CLYBL: variants seen among roughly 807,000 people sequenced by gnomAD.
CLYBL encodes citramalyl-CoA lyase, mitochondrial.
A neutral mutation model predicts 38.9 loss-of-function variants in CLYBL; 31 were observed. That is an observed-to-expected ratio of 0.80 (90% CI 0.60 to 1.08). CLYBL has a LOEUF of 1.08. Among genes scored for constraint, CLYBL ranks in the 50% least tolerant of loss-of-function variants. CLYBL has a pLI of 0.00. For missense variants in CLYBL, 434 were observed against 411.6 expected (o/e 1.05, Z -0.47); for synonymous variants, 171 against 158.6 (o/e 1.08, Z -0.59).
In CLYBL at chr13:99,675,645, G is replaced by A. The variant is rs1485871206; in HGVS notation, c.62+68888G>A. ...TACGATACGTGGTCTTTTGTGACTG[G>A]CTTCTTTCACTTAGTATAATGTTTT... On this transcript the variant is annotated intron_variant, in intron 1 of 8. Transcript: ENST00000339105. 2.0e-5 allele frequency among the ~76,000 whole-genome samples: 3 copies of A among 152,140 alleles called. No individual in the cohort carries two copies. The East Asian group carries it at 5.8e-4, about 29-fold the overall frequency.
At chr13:99,782,237 T>G (rs1487047882) in intron 2 of CLYBL, among the ~76,000 whole-genome samples, 2 of 152,200 alleles carry the variant, frequency 1.3e-5, no homozygotes, top group Admixed American at 1.3e-4. Flanking sequence ...CTGGGTGTGG[T>G]GGCTCACACC....
chr13:99,877,503 T>C (rs2052075333), intron 7 of CLYBL: 1 of 328,540 alleles, frequency 3.0e-6, no homozygotes, highest in Non-Finnish European at 5.8e-6. Context: ...CTAATTACAT[T>C]AGAGACTTTC....
At chr13:99,761,537 C>G (rs1217647301) in intron 1 of CLYBL, among the ~76,000 whole-genome samples, 3 of 152,156 alleles carry the variant, frequency 2.0e-5, no homozygotes, top group African/African-American at 4.8e-5. Flanking sequence ...ATTTTACACA[C>G]ACACATTCAC....
chr13:99,741,241 T>G (rs2048749909), intron 1 of CLYBL, among the ~76,000 whole-genome samples: 1 of 152,202 alleles, frequency 6.6e-6, no homozygotes, highest in Non-Finnish European at 1.5e-5. Context: ...GAAGCACCCA[T>G]GCCTGTTATG....
At chr13:99,709,235 C>T (rs1186742431) in intron 1 of CLYBL, among the ~76,000 whole-genome samples, 2 of 152,200 alleles carry the variant, frequency 1.3e-5, no homozygotes, top group Non-Finnish European at 1.5e-5. Flanking sequence ...GGAGAGGGTC[C>T]TGGAACAAAT....
At chr13:99,719,053 A>G (rs913817023) in intron 1 of CLYBL, among the ~76,000 whole-genome samples, 1 of 151,162 alleles carries the variant, frequency 6.6e-6, no homozygotes, top group African/African-American at 2.4e-5. Context: ...GGGTTTCTCC[A>G]TGTTGGTCAG....
chr13:99,607,896 A>G (rs973920446), intron 1 of CLYBL, among the ~76,000 whole-genome samples: 4 of 151,712 alleles, frequency 2.6e-5, no homozygotes, highest in Admixed American at 1.3e-4. Flanking sequence ...GGTGTGCACC[A>G]CCACCCCTGG....
intron 2 of CLYBL, among the ~76,000 whole-genome samples, chr13:99,825,803 G>A (rs944830628): frequency 3.9e-5 from 6 of 152,238 alleles, no homozygotes; most frequent in African/African-American, 1.4e-4. Context: ...CGTGATTGTA[G>A]TAAGTCCCTC....
intron 1 of CLYBL, among the ~76,000 whole-genome samples, chr13:99,718,760 C>CT (rs1267687815): frequency 1.3e-5 from 2 of 152,072 alleles, no homozygotes; most frequent in Non-Finnish European, 2.9e-5. Flanking sequence ...TAATGATCTT[C>CT]TTTATCCTGA....
chr13:99,682,962 T>C (rs934930470), intron 1 of CLYBL, among the ~76,000 whole-genome samples: 14 of 152,044 alleles, frequency 9.2e-5, no homozygotes, highest in Admixed American at 3.9e-4. Flanking sequence ...GGTCTCGAAC[T>C]CCTGACCTCA....
intron 1 of CLYBL, among the ~76,000 whole-genome samples, chr13:99,658,778 C>CCG (rs1353036549): frequency 6.6e-6 from 1 of 152,220 alleles, no homozygotes; most frequent in African/African-American, 2.4e-5. Context: ...AACCCCCAAC[C>CCG]CGCCTCCACA....
intron 1 of CLYBL, among the ~76,000 whole-genome samples, chr13:99,701,363 T>C (rs2048062372): frequency 6.6e-6 from 1 of 152,090 alleles, no homozygotes; most frequent in African/African-American, 2.4e-5. Context: ...CAGGCTGGAG[T>C]GCAGTGGCGG....
chr13:99,607,710 A>G (rs1468678502), intron 1 of CLYBL, among the ~76,000 whole-genome samples: 1 of 152,194 alleles, frequency 6.6e-6, no homozygotes, highest in Non-Finnish European at 1.5e-5. Context: ...TTCAAACACT[A>G]AGTGTATGGC....
At chr13:99,778,037 T>A (rs78007350) in intron 2 of CLYBL, among the ~76,000 whole-genome samples, 5,010 of 152,278 alleles carry the variant, frequency 0.033, 289 homozygotes, top group African/African-American at 0.11. Context: ...TCTTTTTATC[T>A]TTAGTCAGCT....
In CLYBL at chr13:99,606,745, C is replaced by T. The variant is rs200020595; in HGVS notation, c.50C>T (p.Ala17Val). The T allele has an allele frequency of 1.1e-4, 168 of 1,482,382 alleles. No individual in the cohort carries two copies. In the African/African-American group the frequency reaches 2.2e-3, roughly 19 times the overall value. 91.8% of individuals were successfully genotyped at this position (1,482,382 alleles called of 1,614,324 possible). A position where few individuals can be genotyped will look rare whatever the true frequency, so the allele number is the denominator to read the frequency against. ...GCGGCGCGCGGAGCTGCGGCGGCGG[C>T]GCTGCTGAGGCTGTGAGTGCAGGTC... ...RRAARGAAAA[A>V]LLRLKASLAA... The change falls in exon 1 of 9, where the codon GCG becomes GTG. Residue 17 changes from alanine (A) to valine (V), a missense_variant. Physicochemically the swap from Ala to Val is moderately conservative, Grantham distance 64 (BLOSUM62 0). Transcript: ENST00000339105.
intron 2 of CLYBL, among the ~76,000 whole-genome samples, chr13:99,793,036 AC>A (rs2049950788): frequency 1.7e-4 from 11 of 65,472 alleles, no homozygotes; most frequent in African/African-American, 3.4e-4. Flanking sequence ...CATACATAAC[AC>A]ACACACACAC....
intron 1 of CLYBL, among the ~76,000 whole-genome samples, chr13:99,757,390 C>G (rs1250259293): frequency 1.3e-5 from 2 of 152,176 alleles, no homozygotes; most frequent in African/African-American, 2.4e-5. Flanking sequence ...TTGGCATTCG[C>G]TAGTGCAGCT....
intron 1 of CLYBL, among the ~76,000 whole-genome samples, chr13:99,744,514 C>G: frequency 6.6e-6 from 1 of 152,112 alleles, no homozygotes; most frequent in Middle Eastern, 3.2e-3. Context: ...CTGCAGGGTT[C>G]TTATGACTGA....
intron 1 of CLYBL, among the ~76,000 whole-genome samples, chr13:99,651,219 G>A (rs1365904023): frequency 6.6e-6 from 1 of 152,198 alleles, no homozygotes; most frequent in South Asian, 2.1e-4. Flanking sequence ...AGGTCATAGC[G>A]CTACTGCTGG....
Sources: allele counts gnomAD v4.1 joint callset (sites outside exome capture counted in the v4.1 genomes callset), GRCh38; gene constraint gnomAD v4.1.1; transcripts MANE v1.5; gene names NCBI Gene and HGNC (gene_info 2026-07-23, HGNC 2026-07-21).